FSTL4: variants seen among roughly 807,000 people sequenced by gnomAD.
The protein encoded by FSTL4 is follistatin like 4.
In FSTL4, 28 loss-of-function variants were observed where a neutral mutation model predicts 78.2. The observed-to-expected ratio is 0.36, with a 90% CI of 0.27 to 0.49. The LOEUF is 0.49. Ranked by LOEUF, FSTL4 falls within the 20% of genes least tolerant of loss-of-function variation. The probability of loss-of-function intolerance (pLI) is 0.98; values close to 1 mark genes in which losing one functional copy is unlikely to be tolerated. For synonymous variants in FSTL4, 422 were observed against 440.5 expected, an observed-to-expected ratio of 0.96 and a Z score of 0.53; for missense variants, 922 against 1,084.9, an observed-to-expected ratio of 0.85 and a Z score of 2.11.
At chr5:133,217,784 C>A (rs1750963102) in intron 12 of FSTL4, among the ~76,000 whole-genome samples, 1 of 152,170 alleles carries the variant, frequency 6.6e-6, no homozygotes, top group African/African-American at 2.4e-5. Context: ...TTGTTCTCCC[C>A]AAGGTCAACA....
At chr5:133,494,583 T>C (rs781021010) in intron 3 of FSTL4, among the ~76,000 whole-genome samples, 1 of 152,226 alleles carries the variant, frequency 6.6e-6, no homozygotes, top group African/African-American at 2.4e-5. Context: ...TTTTTGAAGA[T>C]AAAATGTTCA....
intron 3 of FSTL4, among the ~76,000 whole-genome samples, chr5:133,506,250 C>G (rs973705278): frequency 1.3e-5 from 2 of 152,196 alleles, no homozygotes; most frequent in Non-Finnish European, 2.9e-5. Flanking sequence ...ATGTGTTTCC[C>G]TAACTCTAGC....
intron 4 of FSTL4, among the ~76,000 whole-genome samples, chr5:133,394,715 G>T (rs370278574): frequency 6.6e-6 from 1 of 152,232 alleles, no homozygotes; most frequent in Non-Finnish European, 1.5e-5. Context: ...CCCATTGACC[G>T]CCCAAGGGCT....
Position 133,199,631 on chromosome 5 carries a change from G to C in FSTL4, c.1993C>G (p.Pro665Ala), listed in dbSNP as rs1217179783. The C allele has an allele frequency of 6.8e-6, 11 of 1,614,056 alleles. No homozygotes were observed. In the Admixed American group the frequency reaches 1.8e-4, roughly 27 times the overall value. ...YFFIQCRQDSPASAARQLLVD... is the reference protein window; with the variant it reads ...YFFIQCRQDSAASAARQLLVD... Reference sequence around the variant, plus strand: ...AGCAGCTGTCGGGCAGCAGAGGCGGGGCTGTCCTGTCGGCACTGGATGAAG... The same window carrying C: ...AGCAGCTGTCGGGCAGCAGAGGCGGCGCTGTCCTGTCGGCACTGGATGAAG... The change falls in exon 16 of 16, where the codon CCC becomes GCC. Residue 665 changes from proline (P) to alanine (A), a missense_variant. Coordinates refer to ENST00000265342, the MANE Select transcript of FSTL4 (RefSeq NM_015082.2). The surrounding 1 kb of genome is among the most constrained non-coding windows in gnomAD (Gnocchi z 4.4).
At chr5:133,724,707 T>C in the FSTL4 span, among the ~76,000 whole-genome samples, 2 of 152,170 alleles carry the variant, frequency 1.3e-5, no homozygotes, top group Non-Finnish European at 1.5e-5. Flanking sequence ...TAAAAGAACA[T>C]AGTTTAATTT....
intron 12 of FSTL4, 64 bp from the exon 13 acceptor site, chr5:133,217,442 A>G (rs1349154841): frequency 1.2e-5 from 18 of 1,473,064 alleles, no homozygotes; most frequent in Admixed American, 1.9e-5. Flanking sequence ...ATCTCTAGGT[A>G]CTCTCTCCCC....
intron 3 of FSTL4, among the ~76,000 whole-genome samples, chr5:133,548,290 G>A (rs1263125311): frequency 6.7e-6 from 1 of 149,458 alleles, no homozygotes; most frequent in Non-Finnish European, 1.5e-5. Context: ...GGTGACTTGG[G>A]GGAACCCTGA....
At chr5:133,718,027 G>A in the FSTL4 span, among the ~76,000 whole-genome samples, 1 of 151,994 alleles carries the variant, frequency 6.6e-6, no homozygotes, top group African/African-American at 2.4e-5. Flanking sequence ...CACCAACAAG[G>A]TATGAGAATT....
intron 3 of FSTL4, among the ~76,000 whole-genome samples, chr5:133,495,135 C>G (rs1047161755): frequency 2.6e-5 from 4 of 152,226 alleles, no homozygotes; most frequent in Admixed American, 2.0e-4. Flanking sequence ...CACACACATG[C>G]TAGCCCACTT....
rs766311072 is a variant in FSTL4, at chr5:133,210,176, A to C, written c.1716+15T>G. The C allele has an allele frequency of 1.4e-5, 19 of 1,387,502 alleles. No individual in the cohort carries two copies. Among genetic ancestry groups the C allele is most frequent in the Non-Finnish European group, 2.0e-5 (19 of 973,074 alleles). 85.9% of individuals were successfully genotyped at this position (1,387,502 alleles called of 1,614,324 possible). A position where few individuals can be genotyped will look rare whatever the true frequency, so the allele number is the denominator to read the frequency against. On this transcript the variant is annotated intron_variant, in intron 14 of 15. Transcript: ENST00000265342. Reference sequence around the variant, plus strand: ...CAGTGGAGTGTGGGTATCAGCCTCCATGTGCTCAACATACCTGGAGACTTG... The same window carrying C: ...CAGTGGAGTGTGGGTATCAGCCTCCCTGTGCTCAACATACCTGGAGACTTG...
the FSTL4 span, among the ~76,000 whole-genome samples, chr5:133,661,280 G>T: frequency 1.3e-5 from 2 of 152,182 alleles, no homozygotes; most frequent in Non-Finnish European, 2.9e-5. Context: ...GTGAGCCACC[G>T]TGCACAGCCT....
At chr5:133,311,414 TA>T (rs1250928184) in intron 6 of FSTL4, among the ~76,000 whole-genome samples, 1 of 151,952 alleles carries the variant, frequency 6.6e-6, no homozygotes, top group African/African-American at 2.4e-5. Flanking sequence ...TGGACTTTGG[TA>T]CTAAGGATGA....
the FSTL4 span, among the ~76,000 whole-genome samples, chr5:133,819,847 C>T: frequency 6.6e-6 from 1 of 152,224 alleles, no homozygotes; most frequent in East Asian, 1.9e-4. Flanking sequence ...CCTTGTTAAT[C>T]AAATGACAGT....
At chr5:133,678,070 TAA>T in the FSTL4 span, among the ~76,000 whole-genome samples, 84 of 152,092 alleles carry the variant, frequency 5.5e-4, 1 homozygote, top group East Asian at 0.016. Context: ...TGAGAACACT[TAA>T]AATCTACTCT....
At chr5:133,782,823 T>C in the FSTL4 span, among the ~76,000 whole-genome samples, 1 of 152,182 alleles carries the variant, frequency 6.6e-6, no homozygotes, top group Non-Finnish European at 1.5e-5. Context: ...ACAATTTGCC[T>C]GAGTTCTCAT....
intron 4 of FSTL4, among the ~76,000 whole-genome samples, chr5:133,328,140 T>C (rs972713444): frequency 6.6e-6 from 1 of 152,278 alleles, no homozygotes; most frequent in Non-Finnish European, 1.5e-5. Context: ...CACGAGGCCA[T>C]GCAGACCTTG....
chr5:133,519,900 G>A (rs1358467241), intron 3 of FSTL4, among the ~76,000 whole-genome samples: 2 of 152,198 alleles, frequency 1.3e-5, no homozygotes, highest in East Asian at 1.9e-4. Flanking sequence ...CTAGCAAGGC[G>A]AGCTACAGAA....
At chr5:133,498,942 C>T (rs1190662504) in intron 3 of FSTL4, among the ~76,000 whole-genome samples, 1 of 151,926 alleles carries the variant, frequency 6.6e-6, no homozygotes, top group African/African-American at 2.4e-5. Context: ...CAGGGAGGCT[C>T]TTGGGAATCA....
At chr5:133,511,494 AC>A (rs1758729910) in intron 3 of FSTL4, among the ~76,000 whole-genome samples, 1 of 152,034 alleles carries the variant, frequency 6.6e-6, no homozygotes, top group Non-Finnish European at 1.5e-5. Flanking sequence ...CATATTTTGT[AC>A]CCCACAACTT....
Sources: allele counts gnomAD v4.1 joint callset (sites outside exome capture counted in the v4.1 genomes callset), GRCh38; gene constraint gnomAD v4.1.1; non-coding constraint Gnocchi (gnomAD v3.1); transcripts MANE v1.5; gene names NCBI Gene and HGNC (gene_info 2026-07-23, HGNC 2026-07-21).